The following STK36 variants were observed in gnomAD, a reference collection of about 807,000 sequenced individuals.
STK36 encodes serine/threonine kinase 36.
In STK36, 116 loss-of-function variants were observed where a neutral mutation model predicts 142.2. That is an observed-to-expected ratio of 0.82 (90% CI 0.70 to 0.95). The LOEUF is 0.95. STK36 is among the 40% of genes least tolerant of loss of function. STK36 has a pLI of 0.00. For missense variants in STK36, 1,422 were observed against 1,617.2 expected (o/e 0.88, Z 2.07); for synonymous variants, 619 against 641.7 (o/e 0.96, Z 0.53).
In STK36 at chr2:218,672,807, T is replaced by G; in HGVS notation, c.-23T>G. The G allele has an allele frequency of 6.2e-7, 1 of 1,612,908 alleles. No individual in the cohort carries two copies. Among genetic ancestry groups the G allele is most frequent in the Non-Finnish European group, 8.5e-7 (1 of 1,178,918 alleles). ...TTCACCGTCTCTACTTTCTTCCTTC[T>G]AAGAGATCCTGAAACCTCTGTCATG... On this transcript the variant is annotated 5_prime_UTR_variant, in exon 2 of 27. It removes the in-frame stop codon of an upstream open reading frame in the 5' UTR. Transcript: ENST00000295709.
intron 23 of STK36, 98 bp from the exon 24 acceptor site, chr2:218,697,361 TGGGG>T: frequency 6.5e-7 from 1 of 1,530,754 alleles, no homozygotes; most frequent in East Asian, 2.3e-5. Context: ...TGCTCTAAGA[TGGGG>T]AAGGGACTGA....
chr2:218,702,599 C>T lies in STK36; in HGVS notation c.*590C>T, dbSNP rs1941482201. On this transcript the variant is annotated 3_prime_UTR_variant, in exon 27 of 27. Coordinates refer to ENST00000295709, the MANE Select transcript of STK36 (RefSeq NM_015690.5). ...TGTTTAATAGTTCTGTTTGTAAACT[C>T]TTTTAATAAAAGTTGTGCCTCACCA... The T allele has an allele frequency of 6.6e-6, 1 of 151,980 alleles. No individual in the cohort carries two copies. Among genetic ancestry groups the T allele is most frequent in the Non-Finnish European group, 1.5e-5 (1 of 67,998 alleles). 9.4% of individuals were successfully genotyped at this position (151,980 alleles called of 1,614,324 possible).
rs943392414 is a variant in STK36 at position 218,693,083 on chromosome 2, G to A, written c.2044-157G>A. ...GGCCATGACTTTTGGTTCTCTATTG[G>A]TGATGAAGACTGGGAATAGAATGGG... On this transcript the variant is annotated intron_variant, in intron 16 of 26. Coordinates refer to ENST00000295709, the MANE Select transcript of STK36 (RefSeq NM_015690.5). Among the ~76,000 whole-genome samples, 6 of 152,316 alleles carry A rather than the reference G, an allele frequency of 3.9e-5. No individual in the cohort carries two copies. In the East Asian group the frequency reaches 1.2e-3, roughly 29 times the overall value.
chr2:218,697,206 TC>T lies in STK36; in HGVS notation c.2758del (p.Gln920ArgfsTer7). ...SPEPDWTLIS[P>X]QGMAALLSLA... ...CTGAGCCAGACTGGACACTGATTTC[TC>T]CCCAGGGTATCTTTCTATCAGTATC... On this transcript the variant is annotated frameshift_variant, in exon 23 of 27. Transcript: ENST00000295709. LOFTEE classifies it high-confidence loss of function. 1.2e-6 allele frequency: 2 copies of T among 1,611,842 alleles called. No individual in the cohort carries two copies. The highest frequency in any genetic ancestry group is 2.2e-5 in the South Asian group (2 of 90,678).
rs56278660 is a variant in STK36, at chr2:218,698,876, A to G, written c.3332A>G (p.Tyr1111Cys). The change falls in exon 26 of 27, where the codon TAT becomes TGT. Residue 1111 changes from tyrosine to cysteine, a missense_variant. Around this residue, in one of 2 missense-constraint regions of STK36, gnomAD observed 962 missense variants for 1,167.5 expected, o/e 0.82. Coordinates refer to ENST00000295709, the MANE Select transcript of STK36 (RefSeq NM_015690.5). ...QELLAGSDES[Y>C]RPLRSLLGHP... ...CTTCTGGCTGGCTCTGATGAATCCT[A>G]TCGGCCCCTGCGCAGCCTCCTGGGC... is the stretch of plus-strand genomic sequence containing the variant. 1.1e-4 allele frequency: 175 copies of G among 1,614,088 alleles called. 1 individual carries two copies. Among genetic ancestry groups the G allele is most frequent in the African/African-American group, 4.1e-4 (31 of 75,024 alleles).
At chr2:218,673,225 CACTT>C (rs779154576) in intron 2 of STK36, 67 of 384,486 alleles carry the variant, frequency 1.7e-4, no homozygotes, top group Non-Finnish European at 2.7e-4. Flanking sequence ...CACATTAAAT[CACTT>C]AGTACAGTGC....
At chr2:218,672,328 TC>T in intron 1 of STK36, 113 bp downstream of exon 1, 1 of 364,194 alleles carries the variant, frequency 2.7e-6, no homozygotes, top group South Asian at 3.1e-5. Flanking sequence ...AGGGAATCCG[TC>T]CCTTGGCCTG....
chr2:218,700,702 C>T (rs557192806), intron 26 of STK36, among the ~76,000 whole-genome samples: 23 of 151,630 alleles, frequency 1.5e-4, no homozygotes, highest in African/African-American at 5.3e-4. Flanking sequence ...TGCCTGACCG[C>T]GATTTTCAGT....
Position 218,680,595 on chromosome 2 carries a change from T to C in STK36, c.1137-8T>C, listed in dbSNP as rs1280468050. ...GAACCCGTTCTACCCCTTGGCTTCC[T>C]CCGGCAGGGAAAACCGGACCACCCC... On this transcript the variant is annotated splice_region_variant and splice_polypyrimidine_tract_variant and intron_variant, in intron 9 of 26. Transcript: ENST00000295709. The C allele has an allele frequency of 6.2e-7, 1 of 1,610,546 alleles. No homozygotes were observed. Among genetic ancestry groups the C allele is most frequent in the Non-Finnish European group, 8.5e-7 (1 of 1,178,656 alleles).
intron 4 of STK36, among the ~76,000 whole-genome samples, chr2:218,674,885 C>T (rs1192287612): frequency 6.6e-6 from 1 of 152,202 alleles, no homozygotes; most frequent in Non-Finnish European, 1.5e-5. Context: ...CAGGTGTGAG[C>T]CACCACGCCC....
chr2:218,696,783 G>A (rs1385895706), intron 22 of STK36, 182 bp downstream of exon 22: 10 of 906,782 alleles, frequency 1.1e-5, no homozygotes, highest in Middle Eastern at 2.1e-4. Flanking sequence ...GAAACCATTC[G>A]CTGCGTCCCC....
In STK36 at chr2:218,688,761, T is replaced by C; in HGVS notation, c.1445T>C (p.Leu482Pro). 1 of 1,614,200 alleles carries C rather than the reference T, an allele frequency of 6.2e-7. No homozygotes were observed. The highest frequency in any genetic ancestry group is 8.5e-7 in the Non-Finnish European group (1 of 1,180,026). ...CCTGCATTCCGGGTCCTGAGCAGTC[T>C]TCTCTCCAGCTGCAGTGATTCTGTT... ...ILPAFRVLSSLLSSCSDSVAL... is the reference protein window; with the variant it reads ...ILPAFRVLSSPLSSCSDSVAL... Residue 482 changes from leucine to proline, a missense_variant, in exon 12 of 27, where the codon CTT becomes CCT. This residue lies in a region of STK36 where 962 missense variants were observed against 1,167.5 expected (regional missense o/e 0.82). Coordinates refer to ENST00000295709, the MANE Select transcript of STK36 (RefSeq NM_015690.5).
rs1004717008 is a variant in STK36, at chr2:218,702,115, T to G, written c.*106T>G. 3.6e-6 allele frequency: 5 copies of G among 1,387,300 alleles called. No individual in the cohort carries two copies. The highest frequency in any genetic ancestry group is 2.5e-5 in the Admixed American group (1 of 39,726). The allele number at this position is 1,387,300 out of a possible 1,614,324, so 85.9% of individuals were successfully genotyped here. A position where few individuals can be genotyped will look rare whatever the true frequency, so the allele number is the denominator to read the frequency against. Reference sequence around the variant, plus strand: ...AGAGCTAAAGAGACTAGAAAAGAGATAAGCTGCCAACTCAACTGAGAACAA... The same window carrying G: ...AGAGCTAAAGAGACTAGAAAAGAGAGAAGCTGCCAACTCAACTGAGAACAA... On this transcript the variant is annotated 3_prime_UTR_variant, in exon 27 of 27. Transcript: ENST00000295709.
chr2:218,672,164 C>T lies in STK36; in HGVS notation c.-141C>T, dbSNP rs1488024719. 1.6e-6 allele frequency: 1 copy of T among 629,556 alleles called. No homozygotes were observed. 39.0% of individuals were successfully genotyped at this position (629,556 alleles called of 1,614,324 possible). A position where few individuals can be genotyped will look rare whatever the true frequency, so the allele number is the denominator to read the frequency against. On this transcript the variant is annotated 5_prime_UTR_variant, in exon 1 of 27. Transcript: ENST00000295709. ...GTGTGGTCCGCCGTCCATTCCACAC[C>T]TCTGAGCGCCTTTGTCCTCTGAACT...
In STK36 at chr2:218,698,090, T is replaced by C. The variant is rs936995092; in HGVS notation, c.3057+89T>C. ...CTTCCCAGCAGCTCCAGGGCTCTTC[T>C]AGGCCCCTGTAAGCATGGAACAGCT... On this transcript the variant is annotated intron_variant, in intron 25 of 26. Transcript: ENST00000295709. The C allele has an allele frequency of 5.8e-6, 9 of 1,544,362 alleles. No homozygotes were observed. The African/African-American group carries it at 8.1e-5, about 14-fold the overall frequency.
chr2:218,672,931 A>G lies in STK36; in HGVS notation c.84+18A>G. On this transcript the variant is annotated intron_variant, in intron 2 of 26. Transcript: ENST00000295709. ...GTGCTCAGGTGTTGCACAAAGAGGG[A>G]TACCTTTTGGGTGGGATTTGGTACC... 6.2e-7 allele frequency: 1 copy of G among 1,612,660 alleles called. No individual in the cohort carries two copies. The highest frequency in any genetic ancestry group is 8.5e-7 in the Non-Finnish European group (1 of 1,178,702).
rs2106366179 is a variant in STK36 at position 218,697,578 on chromosome 2, T to C, written c.2877T>C (p.Leu959=). The change falls in exon 24 of 27, where the codon CTT becomes CTC. Residue 959 remains leucine (L), a synonymous_variant. Coordinates refer to ENST00000295709, the MANE Select transcript of STK36 (RefSeq NM_015690.5). Reference sequence around the variant, plus strand: ...TCATGTCCATCCTGAAGCATCTGCTTTGCCCCAGCTTCCTGAATCAACTGC... The same window carrying C: ...TCATGTCCATCCTGAAGCATCTGCTCTGCCCCAGCTTCCTGAATCAACTGC... ...SILMSILKHL[L]CPSFLNQLRQ... is the part of the protein sequence containing the mutation. 1 of 1,614,208 alleles carries C rather than the reference T, an allele frequency of 6.2e-7. No homozygotes were observed. The highest frequency in any genetic ancestry group is 8.5e-7 in the Non-Finnish European group (1 of 1,180,036).
Position 218,693,297 on chromosome 2 carries a change from C to T in STK36, c.2101C>T (p.Leu701Phe), listed in dbSNP as rs1941086194. The T allele has an allele frequency of 5.0e-6, 8 of 1,614,202 alleles. No homozygotes were observed. The Middle Eastern group carries it at 8.2e-4, about 166-fold the overall frequency. Residue 701 changes from leucine (L) to phenylalanine (F), a missense_variant, in exon 17 of 27, where the codon CTC becomes TTC. Coordinates refer to ENST00000295709, the MANE Select transcript of STK36 (RefSeq NM_015690.5). The part of the protein sequence containing the change: ...TEDSSQLRPS[L>F]ISGLQHPILC... ...AGACAGCAGCCAGCTCAGGCCATCC[C>T]TCATCTCTGGCCTGCAGCATCCCAT...
intron 17 of STK36, 49 bp downstream of exon 17, chr2:218,693,393 G>A (rs753020701): frequency 3.2e-6 from 5 of 1,541,830 alleles, no homozygotes; most frequent in East Asian, 2.3e-5. Flanking sequence ...AACTCCCAGT[G>A]CAGACAGAGA....
Sources: allele counts gnomAD v4.1 joint callset (sites outside exome capture counted in the v4.1 genomes callset), GRCh38; gene constraint gnomAD v4.1.1; regional missense constraint gnomAD v4.1.1; transcripts MANE v1.5; gene names NCBI Gene and HGNC (gene_info 2026-07-23, HGNC 2026-07-21).